BABAM2: variants seen among roughly 807,000 people sequenced by gnomAD.
BABAM2 encodes BRISC and BRCA1 A complex member 2.
Under a neutral mutation model 54.7 loss-of-function variants are expected in BABAM2, and 31 were observed. That is an observed-to-expected ratio of 0.57 (90% confidence interval 0.43 to 0.77). BABAM2 has a LOEUF of 0.77. Ranked by LOEUF, BABAM2 falls within the 30% of genes least tolerant of loss-of-function variation. The probability of loss-of-function intolerance (pLI) is 0.00; values close to 1 mark genes in which losing one functional copy is unlikely to be tolerated. For missense variants in BABAM2, 364 were observed against 455.8 expected (o/e 0.80, Z 1.83); for synonymous variants, 167 against 162.9 (o/e 1.03, Z -0.19).
intron 3 of BABAM2, among the ~76,000 whole-genome samples, chr2:27,980,295 A>T (rs906326366): frequency 6.6e-6 from 1 of 152,090 alleles, no homozygotes; most frequent in African/African-American, 2.4e-5. Context: ...CTCTGTGTTC[A>T]TATCATCTGC....
chr2:28,046,739 A>T (rs1007917311), intron 6 of BABAM2, among the ~76,000 whole-genome samples: 1 of 152,000 alleles, frequency 6.6e-6, no homozygotes, highest in Non-Finnish European at 1.5e-5. Context: ...TAGAATATAA[A>T]CTATAAACCA....
At chr2:28,262,433 A>G (rs1684616676) in intron 10 of BABAM2, among the ~76,000 whole-genome samples, 2 of 152,128 alleles carry the variant, frequency 1.3e-5, no homozygotes, top group African/African-American at 4.8e-5. Flanking sequence ...GTCCAGGCAA[A>G]AGATTAGACC....
chr2:28,113,762 T>C (rs932139214), intron 6 of BABAM2, among the ~76,000 whole-genome samples: 3 of 152,218 alleles, frequency 2.0e-5, no homozygotes, highest in Non-Finnish European at 2.9e-5. Context: ...TTTTACGATA[T>C]TGATTCTTCC....
intron 7 of BABAM2, among the ~76,000 whole-genome samples, chr2:28,181,576 A>G (rs1675630334): frequency 6.6e-6 from 1 of 152,210 alleles, no homozygotes; most frequent in South Asian, 2.1e-4. Context: ...GTCCCAGTAC[A>G]TAGAAATGAT....
intron 2 of BABAM2, among the ~76,000 whole-genome samples, chr2:27,911,650 ATC>A (rs1666608571): frequency 6.6e-6 from 1 of 152,056 alleles, no homozygotes; most frequent in African/African-American, 2.4e-5. Flanking sequence ...TGAAATGCAA[ATC>A]TCTCTTCAAG....
intron 3 of BABAM2, among the ~76,000 whole-genome samples, chr2:27,946,556 T>C (rs1028483611): frequency 2.6e-5 from 4 of 152,118 alleles, no homozygotes; most frequent in East Asian, 1.9e-4. Flanking sequence ...TTGTGAAAGA[T>C]TGATTTTATT....
At chr2:28,296,365 T>A (rs1687696225) in intron 10 of BABAM2, among the ~76,000 whole-genome samples, 1 of 152,222 alleles carries the variant, frequency 6.6e-6, no homozygotes, top group African/African-American at 2.4e-5. Context: ...ACTGCCCTAT[T>A]GTGGTACTTG....
intron 7 of BABAM2, among the ~76,000 whole-genome samples, chr2:28,216,482 T>A (rs1299375426): frequency 6.6e-6 from 1 of 152,244 alleles, no homozygotes; most frequent in Non-Finnish European, 1.5e-5. Flanking sequence ...TTCATCTTCC[T>A]TGGAATGAAA....
chr2:28,034,845 T>C (rs1355382661), intron 5 of BABAM2, among the ~76,000 whole-genome samples: 4 of 152,164 alleles, frequency 2.6e-5, no homozygotes, highest in Admixed American at 6.5e-5. Flanking sequence ...GAGGAATCTT[T>C]CAGGTTTATG....
chr2:27,902,735 ACTGAT>A (rs1202095185), intron 2 of BABAM2, among the ~76,000 whole-genome samples: 1 of 152,204 alleles, frequency 6.6e-6, no homozygotes, highest in Non-Finnish European at 1.5e-5. Context: ...TATTTTGGAT[ACTGAT>A]CTTTTGGTAA....
chr2:27,998,258 C>A (rs980958377), intron 4 of BABAM2, among the ~76,000 whole-genome samples: 14 of 152,050 alleles, frequency 9.2e-5, no homozygotes, highest in Non-Finnish European at 1.9e-4. Context: ...TTGTCGCCTC[C>A]TCTTCTCTCC....
At chr2:28,172,267 A>T (rs954399798) in intron 7 of BABAM2, among the ~76,000 whole-genome samples, 1 of 152,126 alleles carries the variant, frequency 6.6e-6, no homozygotes, top group African/African-American at 2.4e-5. Flanking sequence ...CCTATCTTTA[A>T]TTGTTCCATA....
At chr2:28,050,272 AAC>A (rs1165536973) in intron 6 of BABAM2, among the ~76,000 whole-genome samples, 1 of 152,238 alleles carries the variant, frequency 6.6e-6, no homozygotes, top group Non-Finnish European at 1.5e-5. Context: ...ACTGTGCAAG[AAC>A]ACTTCTATGT....
At chr2:28,111,133 T>A (rs1193936789) in intron 6 of BABAM2, among the ~76,000 whole-genome samples, 1 of 121,934 alleles carries the variant, frequency 8.2e-6, no homozygotes, top group African/African-American at 4.1e-5. Flanking sequence ...CACGCCTGGC[T>A]ATTTTTTTTT....
At chr2:28,245,793 CTT>C (rs1288133879) in intron 10 of BABAM2, among the ~76,000 whole-genome samples, 7 of 152,150 alleles carry the variant, frequency 4.6e-5, no homozygotes, top group African/African-American at 1.7e-4. Context: ...GGAGGAATAA[CTT>C]TGGCTGTATT....
intron 10 of BABAM2, among the ~76,000 whole-genome samples, chr2:28,289,786 C>G (rs1687134124): frequency 6.6e-6 from 1 of 151,128 alleles, no homozygotes; most frequent in African/African-American, 2.4e-5. Context: ...GAGACTCTGT[C>G]TCAAAAAAGA....
chr2:28,270,755 A>G (rs1026012154), intron 10 of BABAM2, among the ~76,000 whole-genome samples: 14 of 152,334 alleles, frequency 9.2e-5, no homozygotes, highest in African/African-American at 3.4e-4. Context: ...ACTGCAACAT[A>G]AAAGTCATGA....
intron 7 of BABAM2, among the ~76,000 whole-genome samples, chr2:28,184,263 C>CTCTCT (rs1676004291): frequency 5.0e-5 from 3 of 59,406 alleles, no homozygotes; most frequent in African/African-American, 6.3e-5. Flanking sequence ...TCCCTCCCTC[C>CTCTCT]CTCTCTCTCT....
intron 11 of BABAM2, 90 bp from the exon 12 acceptor site, chr2:28,338,360 T>A: frequency 8.5e-7 from 1 of 1,173,572 alleles, no homozygotes; most frequent in Non-Finnish European, 1.3e-6. Context: ...ATAACAACTG[T>A]TCTGAGTTAG....
Sources: gnomAD v4.1 joint callset for allele counts (sites outside exome capture counted in the v4.1 genomes callset) on GRCh38, gnomAD v4.1.1 for gene constraint, MANE v1.5 for transcripts, NCBI Gene and HGNC (gene_info 2026-07-23, HGNC 2026-07-21) for gene names.